Variants in LMNB2 observed in about 807,000 individuals in gnomAD.
LMNB2 encodes lamin B2.
In LMNB2, 17 loss-of-function variants were observed where a neutral mutation model predicts 69.3. That is an observed-to-expected ratio of 0.25 (90% confidence interval 0.17 to 0.37). The LOEUF is 0.37. Among genes scored for constraint, LMNB2 ranks in the 10% least tolerant of loss-of-function variants. LMNB2 has a pLI of 1.00. For synonymous variants in LMNB2, 397 were observed against 389.3 expected (o/e 1.02, Z -0.23); for missense variants, 789 against 883.6 (o/e 0.89, Z 1.36).
intron 1 of LMNB2, among the ~76,000 whole-genome samples, chr19:2,446,812 A>T (rs1326643479): frequency 6.6e-6 from 1 of 152,200 alleles, no homozygotes; most frequent in Non-Finnish European, 1.5e-5. Context: ...GTGTGGACCC[A>T]GAAGACATGA....
At chr19:2,436,133 A>T (rs1470212420) in intron 4 of LMNB2, among the ~76,000 whole-genome samples, 2 of 151,946 alleles carry the variant, frequency 1.3e-5, no homozygotes, top group Non-Finnish European at 2.9e-5. Context: ...AAAATACAAA[A>T]ATTAGTCGGG....
rs11880917 is a variant in LMNB2, at chr19:2,432,345, T to C, written c.1590+71A>G. 7,117 of 1,061,612 alleles carry C rather than the reference T, an allele frequency of 6.7e-3. 373 individuals are homozygous for C. The African/African-American group carries it at 0.1, about 15-fold the overall frequency. 65.8% of individuals were successfully genotyped at this position (1,061,612 alleles called of 1,614,324 possible). A position where few individuals can be genotyped will look rare whatever the true frequency, so the allele number is the denominator to read the frequency against. On this transcript the variant is annotated intron_variant, in intron 9 of 11. Transcript: ENST00000325327. ...CCCCACCCACCCCCGCCAAGTCCTG[T>C]GCCTCCAGTCCCCTGACCCCACCTC...
chr19:2,443,385 G>A lies in LMNB2; in HGVS notation c.401+1019C>T, dbSNP rs982425732. On this transcript the variant is annotated intron_variant, in intron 2 of 11. Transcript: ENST00000325327. The surrounding 1 kb of genome is among the most constrained non-coding windows in gnomAD (Gnocchi z 6.2). ...ACCTGCAACCACGCATGGGGGCCCC[G>A]GCACTGTTGGACACAGGGTCCCCGG... Among the ~76,000 whole-genome samples the A allele has an allele frequency of 4.6e-5, 7 of 152,104 alleles. No homozygotes were observed. Among genetic ancestry groups the A allele is most frequent in the Non-Finnish European group, 5.9e-5 (4 of 68,010 alleles).
rs764637477 is a variant in LMNB2, at chr19:2,434,900, T to C, written c.869A>G (p.Lys290Arg). Residue 290 changes from lysine (K) to arginine (R), a missense_variant, in exon 6 of 12, where the codon AAG (lysine) becomes AGG (arginine). Physicochemically the swap from Lys to Arg is conservative, Grantham distance 26. Around this residue, in one of 3 missense-constraint regions of LMNB2, gnomAD observed 609 missense variants for 630.9 expected, o/e 0.97. Transcript: ENST00000325327. ...QTYQAKLDSA[K>R]LSSDQNDKAA... Reference sequence around the variant, plus strand: ...CTTGTCGTTCTGGTCAGAGCTCAGCTTGGCGCTGTCCAGCTGTGGGGAGAC... The same window carrying C: ...CTTGTCGTTCTGGTCAGAGCTCAGCCTGGCGCTGTCCAGCTGTGGGGAGAC... The C allele has an allele frequency of 1.2e-6, 2 of 1,604,908 alleles. No individual in the cohort carries two copies. The highest frequency in any genetic ancestry group is 2.2e-5 in the East Asian group (1 of 44,808).
chr19:2,446,865 G>A (rs1971962213), intron 1 of LMNB2, among the ~76,000 whole-genome samples: 2 of 152,170 alleles, frequency 1.3e-5, no homozygotes, highest in African/African-American at 2.4e-5. Flanking sequence ...ATGGTGCCGG[G>A]CGCAGTGGCT....
intron 8 of LMNB2, among the ~76,000 whole-genome samples, chr19:2,433,001 G>A (rs1971764353): frequency 3.4e-5 from 3 of 88,822 alleles, no homozygotes; most frequent in South Asian, 8.9e-4. Flanking sequence ...CCCCTGCCTC[G>A]CATTGGCCGG....
rs1216346580 is a variant in LMNB2 at position 2,443,656 on chromosome 19, T to C, written c.401+748A>G. Reference sequence around the variant, plus strand: ...GGTGGCCGGAGACCACGGAAGACAGTGTCCACACGCAGGGCACCAGAGACC... The same window carrying C: ...GGTGGCCGGAGACCACGGAAGACAGCGTCCACACGCAGGGCACCAGAGACC... On this transcript the variant is annotated intron_variant, in intron 2 of 11. Transcript: ENST00000325327. This position sits in a 1 kb window ranked among gnomAD's most constrained non-coding sequence, Gnocchi z 6.2. Among the ~76,000 whole-genome samples the C allele has an allele frequency of 1.8e-4, 28 of 152,112 alleles. No individual in the cohort carries two copies. The highest frequency in any genetic ancestry group is 4.4e-5 in the Non-Finnish European group (3 of 68,016).
Position 2,431,591 on chromosome 19 carries a change from T to G in LMNB2, c.1778A>C (p.Glu593Ala). 6.2e-7 allele frequency: 1 copy of G among 1,614,100 alleles called. No homozygotes were observed. Among genetic ancestry groups the G allele is most frequent in the Non-Finnish European group, 8.5e-7 (1 of 1,179,954 alleles). The change falls in exon 11 of 12, where the codon GAG (glutamate) becomes GCG (alanine). Residue 593 changes from glutamate (E) to alanine (A), a missense_variant. Around this residue, in one of 3 missense-constraint regions of LMNB2, gnomAD observed 609 missense variants for 630.9 expected, o/e 0.97. Coordinates refer to ENST00000325327, the MANE Select transcript of LMNB2 (RefSeq NM_032737.4). ...CTCCTCGCCAAACTCGGCTTCCTCC[T>G]CCTCTTCCTCCCCATTCTCATTCTC... ...MRENENGEEE[E>A]EEAEFGEEDL...
intron 1 of LMNB2, among the ~76,000 whole-genome samples, chr19:2,454,641 C>T (rs1003753143): frequency 6.6e-6 from 1 of 152,170 alleles, no homozygotes; most frequent in African/African-American, 2.4e-5. Context: ...CCTCTGATCT[C>T]CAGATGGGCG....
chr19:2,444,501 C>T lies in LMNB2; in HGVS notation c.304G>A (p.Asp102Asn), dbSNP rs1971932068. 2.5e-6 allele frequency: 4 copies of T among 1,612,898 alleles called. No homozygotes were observed. Among genetic ancestry groups the T allele is most frequent in the Non-Finnish European group, 2.5e-6 (3 of 1,180,032 alleles). ...IKALYESELA[D>N]ARRVLDETAR... is the part of the protein sequence containing the mutation. ...GTCTCATCCAGGACTCTCCGGGCAT[C>T]GGCCAGCTCCGACTCGTACAGCGCC... Residue 102 changes from aspartate to asparagine, a missense_variant, in exon 2 of 12, where the codon GAT (aspartate) becomes AAT (asparagine). Transcript: ENST00000325327.
intron 2 of LMNB2, among the ~76,000 whole-genome samples, 171 bp from the exon 3 acceptor site, chr19:2,438,702 T>C (rs1292487393): frequency 6.6e-6 from 1 of 152,228 alleles, no homozygotes; most frequent in African/African-American, 2.4e-5. Flanking sequence ...AAGGCACACG[T>C]GCCCTCATCA....
intron 8 of LMNB2, 92 bp from the exon 9 acceptor site, chr19:2,432,615 G>T: frequency 9.7e-7 from 1 of 1,026,356 alleles, no homozygotes; most frequent in Non-Finnish European, 1.5e-6. Flanking sequence ...CCCTGACCCT[G>T]GTCACCCCCA....
chr19:2,450,272 G>A (rs1568208719), intron 1 of LMNB2, among the ~76,000 whole-genome samples: 1 of 152,028 alleles, frequency 6.6e-6, no homozygotes, highest in Non-Finnish European at 1.5e-5. Context: ...CCAGGAACGT[G>A]GGGGAAACTA....
At chr19:2,434,559 C>G (rs773568675) in intron 6 of LMNB2, 44 bp from the exon 7 acceptor site, 1 of 1,590,764 alleles carries the variant, frequency 6.3e-7, no homozygotes, top group Non-Finnish European at 8.6e-7. Context: ...GCCCATGGGT[C>G]ACAAGGCCCA....
At chr19:2,451,913 C>T (rs1275958954) in intron 1 of LMNB2, among the ~76,000 whole-genome samples, 1 of 151,848 alleles carries the variant, frequency 6.6e-6, no homozygotes, top group East Asian at 1.9e-4. Flanking sequence ...CAGCCCTGAG[C>T]AGCCAGGGGA....
rs1392067559 is a variant in LMNB2 at position 2,430,967 on chromosome 19, G to A, written c.1822-15C>T. 1.9e-6 allele frequency: 3 copies of A among 1,606,332 alleles called. No homozygotes were observed. The highest frequency in any genetic ancestry group is 2.6e-6 in the Non-Finnish European group (3 of 1,173,646). Reference sequence around the variant, plus strand: ...CTCGGGTCCCCCTGCAGGAAGGAAGGAAGGAAGGTCGGCCATGATCAGGGC... The same window carrying A: ...CTCGGGTCCCCCTGCAGGAAGGAAGAAAGGAAGGTCGGCCATGATCAGGGC... On this transcript the variant is annotated splice_polypyrimidine_tract_variant and intron_variant, in intron 11 of 11. Transcript: ENST00000325327.
In LMNB2 at chr19:2,434,094, G is replaced by C; in HGVS notation, c.1214C>G (p.Ser405Cys). 1.9e-6 allele frequency: 3 copies of C among 1,588,096 alleles called. No homozygotes were observed. The highest frequency in any genetic ancestry group is 2.6e-6 in the Non-Finnish European group (3 of 1,169,404). Residue 405 changes from serine to cysteine, a missense_variant, in exon 8 of 12, where the codon TCC becomes TGC. By Grantham distance (112) the Ser-to-Cys change is moderately radical. Coordinates refer to ENST00000325327, the MANE Select transcript of LMNB2 (RefSeq NM_032737.4). ...LEGEEERLKLSPSPSSRVTVS... is the reference protein window; with the variant it reads ...LEGEEERLKLCPSPSSRVTVS... ...GGTGACGCGCGAGGATGGGCTGGGG[G>C]ACAGCTTCAGCCTGTGGGGAAGGCA...
Position 2,429,531 on chromosome 19 carries a change from C to T in LMNB2, c.*1380G>A, listed in dbSNP as rs2145441256. Reference sequence around the variant, plus strand: ...CATTCCTTCCTGCCACAGGCAGGTCCCCAGGGAGGCGGGATGCAGTCACAG... The same window carrying T: ...CATTCCTTCCTGCCACAGGCAGGTCTCCAGGGAGGCGGGATGCAGTCACAG... On this transcript the variant is annotated 3_prime_UTR_variant, in exon 12 of 12. Transcript: ENST00000325327. 6.6e-6 allele frequency: 1 copy of T among 152,402 alleles called. No individual in the cohort carries two copies. The highest frequency in any genetic ancestry group is 1.5e-5 in the Non-Finnish European group (1 of 68,062). 9.4% of individuals were successfully genotyped at this position (152,402 alleles called of 1,614,324 possible). A position where few individuals can be genotyped will look rare whatever the true frequency, so the allele number is the denominator to read the frequency against.
At chr19:2,456,457 C>T (rs1972090590) in intron 1 of LMNB2, among the ~76,000 whole-genome samples, 1 of 148,784 alleles carries the variant, frequency 6.7e-6, no homozygotes, top group Non-Finnish European at 1.5e-5. Flanking sequence ...CCTGTCTGCA[C>T]CCAGGGTCCC....
Sources: allele counts gnomAD v4.1 joint callset (sites outside exome capture counted in the v4.1 genomes callset), GRCh38; gene constraint gnomAD v4.1.1; regional missense constraint gnomAD v4.1.1; non-coding constraint Gnocchi (gnomAD v3.1); transcripts MANE v1.5; gene names NCBI Gene and HGNC (gene_info 2026-07-23, HGNC 2026-07-21).